Variants in TDP1 observed in about 807,000 individuals in gnomAD.
The protein encoded by TDP1 is tyrosyl-DNA phosphodiesterase 1.
In TDP1, 64 loss-of-function variants were observed where a neutral mutation model predicts 81.5. The ratio of observed to expected loss-of-function variants is 0.79; its 90% confidence interval spans 0.64 to 0.97. TDP1 has a LOEUF of 0.97. TDP1 is among the 50% of genes least tolerant of loss of function. The probability of loss-of-function intolerance (pLI) is 0.00; values close to 1 mark genes in which losing one functional copy is unlikely to be tolerated. For missense variants in TDP1, 723 were observed against 743.8 expected (o/e 0.97, Z 0.33); for synonymous variants, 256 against 264.3 (o/e 0.97, Z 0.30).
chr14:89,976,070 C>T (rs771858964), intron 7 of TDP1, among the ~76,000 whole-genome samples: 8 of 152,212 alleles, frequency 5.3e-5, no homozygotes, highest in East Asian at 1.9e-4. Context: ...GTAGTGGAGA[C>T]AGGAATAGAA....
chr14:89,960,018 G>A (rs1214208262), intron 2 of TDP1, among the ~76,000 whole-genome samples: 4 of 152,156 alleles, frequency 2.6e-5, no homozygotes, highest in African/African-American at 9.7e-5. Context: ...TATCTATAGA[G>A]AACAGCCTGA....
chr14:90,015,081 C>T (rs967417420), intron 14 of TDP1, among the ~76,000 whole-genome samples: 2 of 152,184 alleles, frequency 1.3e-5, no homozygotes, highest in African/African-American at 4.8e-5. Context: ...ATTGTAGACT[C>T]TAGCCTGGAA....
chr14:89,989,843 C>A, intron 12 of TDP1, 78 bp downstream of exon 12: 1 of 1,173,506 alleles, frequency 8.5e-7, no homozygotes, highest in Non-Finnish European at 1.3e-6. Context: ...ACTACTATTG[C>A]GTAGAAATTT....
intron 10 of TDP1, 71 bp from the exon 11 acceptor site, chr14:89,988,834 T>C (rs1051402990): frequency 6.2e-7 from 1 of 1,601,996 alleles, no homozygotes; most frequent in Admixed American, 1.7e-5. Flanking sequence ...CAGAAAACTG[T>C]TTTCAAATAT....
intron 15 of TDP1, among the ~76,000 whole-genome samples, chr14:90,024,865 T>A (rs1415089559): frequency 6.6e-6 from 1 of 152,210 alleles, no homozygotes; most frequent in Non-Finnish European, 1.5e-5. Flanking sequence ...CAGCAAGACA[T>A]GCCTTTTAGT....
intron 15 of TDP1, among the ~76,000 whole-genome samples, chr14:90,026,162 C>G (rs1387547631): frequency 6.6e-6 from 1 of 152,216 alleles, no homozygotes; most frequent in African/African-American, 2.4e-5. Context: ...AGTACATGCA[C>G]TCTTATGATG....
intron 7 of TDP1, among the ~76,000 whole-genome samples, chr14:89,977,940 T>C (rs934757792): frequency 1.3e-5 from 2 of 152,204 alleles, no homozygotes; most frequent in African/African-American, 4.8e-5. Flanking sequence ...CCTCTAGAGC[T>C]GGGAGCAGAG....
Position 90,019,272 on chromosome 14 carries a change from G to C in TDP1, c.1542-44G>C, listed in dbSNP as rs751350560. On this transcript the variant is annotated intron_variant, in intron 14 of 16. Coordinates refer to ENST00000335725, the MANE Select transcript of TDP1 (RefSeq NM_018319.4). ...GCTGTGGAAGTTTGACCCACACTGA[G>C]ATGCCTCCCTGAGTCAGCCCTATCT... is the stretch of plus-strand genomic sequence containing the variant. 1.8e-5 allele frequency: 25 copies of C among 1,399,790 alleles called. No homozygotes were observed. In the African/African-American group the frequency reaches 3.2e-4, roughly 18 times the overall value. 86.7% of individuals were successfully genotyped at this position (1,399,790 alleles called of 1,614,324 possible).
At chr14:90,018,408 C>CT (rs1197131118) in intron 14 of TDP1, among the ~76,000 whole-genome samples, 1 of 152,128 alleles carries the variant, frequency 6.6e-6, no homozygotes, top group Admixed American at 6.5e-5. Context: ...TAATATGCAC[C>CT]TTGGCACCTC....
intron 15 of TDP1, 142 bp from the exon 16 acceptor site, chr14:90,032,964 A>G (rs569820147): frequency 5.7e-5 from 68 of 1,198,570 alleles, no homozygotes; most frequent in Non-Finnish European, 7.4e-5. Flanking sequence ...ATATTTGCCT[A>G]TGAACATTGA....
chr14:89,972,240 A>G (rs1028008402), intron 6 of TDP1, among the ~76,000 whole-genome samples: 2 of 152,198 alleles, frequency 1.3e-5, no homozygotes, highest in South Asian at 4.1e-4. Flanking sequence ...CAATTGTGAC[A>G]GAAGGTGAAG....
intron 14 of TDP1, among the ~76,000 whole-genome samples, chr14:89,998,403 T>TATAC (rs1896863697): frequency 3.3e-5 from 4 of 122,582 alleles, no homozygotes; most frequent in African/African-American, 1.2e-4. Context: ...TATATATATA[T>TATAC]ATATATATAT....
intron 4 of TDP1, chr14:89,966,989 A>G (rs756652383): frequency 1.7e-5 from 17 of 985,234 alleles, no homozygotes; most frequent in Non-Finnish European, 2.0e-5. Flanking sequence ...CTTTGTCTCC[A>G]GTATCTGTCT....
chr14:90,040,506 C>T (rs959195780), intron 16 of TDP1, among the ~76,000 whole-genome samples: 1 of 152,238 alleles, frequency 6.6e-6, no homozygotes, highest in Non-Finnish European at 1.5e-5. Context: ...AAGGTCAGAA[C>T]TCCACCTCTG....
chr14:89,994,433 C>G (rs535972524), intron 14 of TDP1, among the ~76,000 whole-genome samples: 3 of 152,256 alleles, frequency 2.0e-5, no homozygotes, highest in African/African-American at 7.2e-5. Flanking sequence ...AATTTAATGT[C>G]TGTTTGGGTG....
At chr14:89,957,391 A>T (rs1266304589) in intron 2 of TDP1, among the ~76,000 whole-genome samples, 1 of 152,186 alleles carries the variant, frequency 6.6e-6, no homozygotes, top group Non-Finnish European at 1.5e-5. Flanking sequence ...TAAGCATGAT[A>T]TCCATTTCAC....
chr14:89,991,493 C>T (rs1349950566), intron 12 of TDP1: 1 of 908,322 alleles, frequency 1.1e-6, no homozygotes, highest in Non-Finnish European at 1.3e-6. Flanking sequence ...ATAGTCCTTA[C>T]ATTCCTGATG....
chr14:89,965,422 C>G (rs1892822275), intron 3 of TDP1, among the ~76,000 whole-genome samples: 1 of 152,034 alleles, frequency 6.6e-6, no homozygotes, highest in Non-Finnish European at 1.5e-5. Flanking sequence ...ATAACAGACC[C>G]CACCTAGAAA....
rs187790960 is a variant in TDP1, at chr14:89,958,847, A to G, written c.-8+2047A>G. ...TCCTGCCGCTATCACATAGACTATC[A>G]TATACTTAATATTTTTGTTTGAATC... On this transcript the variant is annotated intron_variant, in intron 2 of 16. Coordinates refer to ENST00000335725, the MANE Select transcript of TDP1 (RefSeq NM_018319.4). Among the ~76,000 whole-genome samples the G allele has an allele frequency of 2.3e-3, 349 of 152,348 alleles. 2 individuals carry two copies. Among genetic ancestry groups the G allele is most frequent in the African/African-American group, 7.3e-3 (305 of 41,578 alleles).
Sources: gnomAD v4.1 joint callset for allele counts (sites outside exome capture counted in the v4.1 genomes callset) on GRCh38, gnomAD v4.1.1 for gene constraint, MANE v1.5 for transcripts, NCBI Gene and HGNC (gene_info 2026-07-23, HGNC 2026-07-21) for gene names.